Variants in KCTD2 observed in about 807,000 individuals in gnomAD.
KCTD2 encodes BTB/POZ domain-containing protein KCTD2.
KCTD2 carries 18 observed loss-of-function variants against 27.9 expected under a neutral mutation model. The ratio of observed to expected loss-of-function variants is 0.64; its 90% CI spans 0.45 to 0.96. The LOEUF (loss-of-function observed/expected upper bound fraction) is 0.96, where lower values mean the gene tolerates loss of function less well. Among genes scored for constraint, KCTD2 ranks in the 40% least tolerant of loss-of-function variants. The pLI, the probability that KCTD2 is intolerant of heterozygous loss-of-function variation, is 0.00. For missense variants in KCTD2, 280 were observed against 348.0 expected, an observed-to-expected ratio of 0.80 and a Z score of 1.56; for synonymous variants, 175 against 148.4, an observed-to-expected ratio of 1.18 and a Z score of -1.30.
rs771652548 is a variant in KCTD2 at position 75,039,984 on chromosome 17, T to C, written c.-259+4627T>C. On this transcript the variant is annotated intron_variant, in intron 3 of 7. Transcript: ENST00000581589. The stretch of plus-strand genomic sequence containing the variant: ...CATTTATTGACAAGTCATTCCTTTA[T>C]ATGGCTGTTAACTCTTCCATTTAAT... 8 of 1,152,568 alleles carry C rather than the reference T, an allele frequency of 6.9e-6. 1 individual carries two copies. Among genetic ancestry groups the C allele is most frequent in the South Asian group, 5.5e-5 (4 of 72,500 alleles). 71.4% of individuals were successfully genotyped at this position (1,152,568 alleles called of 1,614,324 possible).
chr17:75,048,457 T>C lies in KCTD2; in HGVS notation c.340-763T>C, dbSNP rs534545743. Among the ~76,000 whole-genome samples, 3 of 152,320 alleles carry C rather than the reference T, an allele frequency of 2.0e-5. No individual in the cohort carries two copies. The South Asian group carries it at 6.2e-4, about 32-fold the overall frequency. On this transcript the variant is annotated intron_variant, in intron 1 of 5. Coordinates refer to ENST00000322444, the MANE Select transcript of KCTD2 (RefSeq NM_015353.3). ...ACAGAGCTGGAGTTGCGTAAACATTTGTTGTTTTCGTTTATTCCTCTTCTC... is the reference window on the plus strand; with the variant it reads ...ACAGAGCTGGAGTTGCGTAAACATTCGTTGTTTTCGTTTATTCCTCTTCTC...
At chr17:75,060,728 A>G in intron 4 of KCTD2, 2 of 784,268 alleles carry the variant, frequency 2.6e-6, no homozygotes, top group Non-Finnish European at 3.9e-6. Context: ...CCTGGGATCA[A>G]CCGCCTGAGT....
At chr17:75,040,468 A>G in intron 3 of KCTD2, 1 of 392,094 alleles carries the variant, frequency 2.6e-6, no homozygotes, top group Non-Finnish European at 4.6e-6. Flanking sequence ...GCTGGACTTG[A>G]TGACCAAAAA....
intron 3 of KCTD2, chr17:75,040,031 A>G (rs747614206): frequency 4.0e-5 from 62 of 1,564,042 alleles, no homozygotes; most frequent in Middle Eastern, 3.3e-4. Context: ...TAACTTAGCT[A>G]TAATAGAGAG....
intron 4 of KCTD2, among the ~76,000 whole-genome samples, 193 bp from the exon 5 acceptor site, chr17:75,061,927 C>T (rs1452441222): frequency 6.6e-6 from 1 of 152,122 alleles, no homozygotes; most frequent in African/African-American, 2.4e-5. Context: ...CCTGGGGAGG[C>T]CTCACCAATG....
intron 2 of KCTD2, among the ~76,000 whole-genome samples, chr17:75,051,719 T>A (rs2073290202): frequency 6.6e-6 from 1 of 152,104 alleles, no homozygotes; most frequent in Non-Finnish European, 1.5e-5. Context: ...CCCTTAATAT[T>A]TGTATATATT....
chr17:75,062,288 T>C, intron 5 of KCTD2, 43 bp downstream of exon 5: 1 of 1,582,254 alleles, frequency 6.3e-7, no homozygotes, highest in Non-Finnish European at 8.6e-7. Flanking sequence ...GGCTTGCTTG[T>C]TCGCACCCCC....
Position 75,053,055 on chromosome 17 carries a change from G to T in KCTD2, c.490G>T (p.Val164Leu). 6.2e-7 allele frequency: 1 copy of T among 1,614,136 alleles called. No individual in the cohort carries two copies. Among genetic ancestry groups the T allele is most frequent in the South Asian group, 1.1e-5 (1 of 91,086 alleles). The change falls in exon 3 of 6, where the codon GTG (valine) becomes TTG (leucine). Residue 164 changes from valine to leucine, a missense_variant. Transcript: ENST00000322444. Reference sequence around the variant, plus strand: ...GGAGTTTTACAACATCGCGTCCCTTGTGCGGCTGGTTAAGGAAAGGATACG... The same window carrying T: ...GGAGTTTTACAACATCGCGTCCCTTTTGCGGCTGGTTAAGGAAAGGATACG... ...EAEFYNIASLVRLVKERIRDN... is the reference protein window; with the variant it reads ...EAEFYNIASLLRLVKERIRDN...
chr17:75,033,060 G>A (rs1449815163), intron 1 of KCTD2: 2 of 152,260 alleles, frequency 1.3e-5, no homozygotes, highest in Non-Finnish European at 2.9e-5. Context: ...GGTAACCGAC[G>A]CTGCCCTTGG....
rs752942777 is a variant in KCTD2, at chr17:75,049,318, G to A, written c.438G>A (p.Leu146=). 3 of 1,600,082 alleles carry A rather than the reference G, an allele frequency of 1.9e-6. No homozygotes were observed. The South Asian group carries it at 3.3e-5, about 18-fold the overall frequency. ...GGAAACTCATCATCACTAAGGAGTTGGCAGAAGAAGGTAAGCGCACTGTTT... is the reference window on the plus strand; with the variant it reads ...GGAAACTCATCATCACTAAGGAGTTAGCAGAAGAAGGTAAGCGCACTGTTT... ...RHGKLIITKE[L]AEEGVLEEAE... is the part of the protein sequence containing the mutation. The change falls in exon 2 of 6, where the codon TTG becomes TTA. Residue 146 remains leucine (L), a synonymous_variant. Transcript: ENST00000322444.
chr17:75,044,986 T>G (rs534358519), upstream of KCTD2, among the ~76,000 whole-genome samples: 1 of 152,100 alleles, frequency 6.6e-6, no homozygotes, highest in African/African-American at 2.4e-5. Context: ...TTACAGACTT[T>G]CCCAAACATC....
At chr17:75,033,929 G>C (rs910376559) in intron 1 of KCTD2, 1 of 152,286 alleles carries the variant, frequency 6.6e-6, no homozygotes, top group Non-Finnish European at 1.5e-5. Flanking sequence ...AATGGATAAG[G>C]CACTGGCCTC....
chr17:75,058,427 C>A (rs1365184866), intron 3 of KCTD2, among the ~76,000 whole-genome samples: 1 of 151,358 alleles, frequency 6.6e-6, no homozygotes, highest in African/African-American at 2.4e-5. Flanking sequence ...TCGCTTGAAC[C>A]AGGGAGGTGG....
chr17:75,056,231 T>C (rs1054485630), intron 3 of KCTD2, among the ~76,000 whole-genome samples: 2 of 152,220 alleles, frequency 1.3e-5, no homozygotes. Context: ...TGTAGTTGGT[T>C]TGCAGATTAC....
At chr17:75,058,408 G>A (rs1285360343) in intron 3 of KCTD2, among the ~76,000 whole-genome samples, 5 of 152,194 alleles carry the variant, frequency 3.3e-5, no homozygotes, top group Non-Finnish European at 5.9e-5. Flanking sequence ...GGAGGCTGAG[G>A]CAGGAGAATC....
intron 3 of KCTD2, among the ~76,000 whole-genome samples, chr17:75,056,952 C>CTTTTTTTTTTTTTTTTTTTTTTTTT (rs35875644): frequency 4.6e-5 from 5 of 107,990 alleles, no homozygotes; most frequent in Admixed American, 1.1e-4. Flanking sequence ...TTTCTTTTTT[C>CTTTTTTTTTTTTTTTTTTTTTTTTT]TTTTTTTTTT....
At chr17:75,043,468 C>G (rs541514852), upstream of KCTD2, among the ~76,000 whole-genome samples, 22 of 152,160 alleles carry the variant, frequency 1.4e-4, 1 homozygote, top group South Asian at 2.5e-3. Context: ...CAAAAATTAG[C>G]CGGGCGTGAT....
In KCTD2 at chr17:75,063,113, C is replaced by A. The variant is rs2073421600; in HGVS notation, c.*66C>A. On this transcript the variant is annotated 3_prime_UTR_variant, in exon 6 of 6. Transcript: ENST00000322444. The stretch of plus-strand genomic sequence containing the variant: ...AGCAGAGCCCCTCTGTGAAGTGAAA[C>A]CTCACTCCTGTCCAGTGACCGAGCC... 7 of 1,463,402 alleles carry A rather than the reference C, an allele frequency of 4.8e-6. No homozygotes were observed. The highest frequency in any genetic ancestry group is 5.7e-6 in the Non-Finnish European group (6 of 1,047,316). 90.7% of individuals were successfully genotyped at this position (1,463,402 alleles called of 1,614,324 possible).
chr17:75,035,221 C>A (rs551977246), intron 2 of KCTD2: 1 of 152,170 alleles, frequency 6.6e-6, no homozygotes, highest in African/African-American at 2.4e-5. Context: ...ATCTTCCCTC[C>A]CTTGTTTTAG....
Sources: gnomAD v4.1 joint callset for allele counts (sites outside exome capture counted in the v4.1 genomes callset) on GRCh38, gnomAD v4.1.1 for gene constraint, MANE v1.5 for transcripts, NCBI Gene and HGNC (gene_info 2026-07-23, HGNC 2026-07-21) for gene names.